DPP10: variants seen among roughly 807,000 people sequenced by gnomAD.
DPP10 encodes the protein dipeptidyl peptidase like 10.
Under a neutral mutation model 120.9 loss-of-function variants are expected in DPP10, and 33 were observed. The observed-to-expected ratio is 0.27, with a 90% CI of 0.21 to 0.37. The LOEUF is 0.37. DPP10 is among the 10% of genes least tolerant of loss of function. The pLI is 1.00. For missense variants in DPP10, 816 were observed against 942.8 expected, an observed-to-expected ratio of 0.87 and a Z score of 1.76; for synonymous variants, 337 against 326.1, an observed-to-expected ratio of 1.03 and a Z score of -0.36.
chr2:114,729,891 A>T (rs1255966977), intron 1 of DPP10, among the ~76,000 whole-genome samples: 1 of 152,250 alleles, frequency 6.6e-6, no homozygotes, highest in African/African-American at 2.4e-5. Context: ...TTCCTTAAAA[A>T]TGGACCAGAA....
intron 2 of DPP10, among the ~76,000 whole-genome samples, chr2:115,322,590 G>T (rs2062116519): frequency 6.6e-6 from 1 of 152,056 alleles, no homozygotes; most frequent in South Asian, 2.1e-4. Flanking sequence ...CCAGCATAAG[G>T]TTTATATCTT....
chr2:114,850,236 A>T (rs1688854123), intron 1 of DPP10, among the ~76,000 whole-genome samples: 1 of 152,000 alleles, frequency 6.6e-6, no homozygotes, highest in African/African-American at 2.4e-5. Flanking sequence ...CATGTTGCCC[A>T]GGCTGGTCTC....
intron 5 of DPP10, among the ~76,000 whole-genome samples, chr2:115,567,295 A>G (rs1248022307): frequency 6.6e-6 from 1 of 152,092 alleles, no homozygotes. Flanking sequence ...TCACCTTTTC[A>G]ATCCATTTTT....
chr2:115,744,601 C>A (rs1046516904), intron 9 of DPP10, among the ~76,000 whole-genome samples: 4 of 150,354 alleles, frequency 2.7e-5, no homozygotes, highest in African/African-American at 9.7e-5. Context: ...ATAGTGGAAA[C>A]CTTTCCTGAC....
At chr2:115,772,780 A>G (rs1681628860) in intron 13 of DPP10, among the ~76,000 whole-genome samples, 1 of 152,266 alleles carries the variant, frequency 6.6e-6, no homozygotes, top group Middle Eastern at 3.4e-3. Flanking sequence ...CAGTGAAGAG[A>G]TAGGTTTTTA....
intron 1 of DPP10, among the ~76,000 whole-genome samples, chr2:114,715,670 A>AT (rs1701300677): frequency 6.6e-6 from 1 of 152,130 alleles, no homozygotes; most frequent in African/African-American, 2.4e-5. Flanking sequence ...GCTAATCAGA[A>AT]TTTTTAGTTA....
chr2:115,672,787 C>A (rs551098173), intron 5 of DPP10, among the ~76,000 whole-genome samples: 8 of 151,210 alleles, frequency 5.3e-5, no homozygotes, highest in Admixed American at 2.0e-4. Flanking sequence ...CACTTTGTCA[C>A]CCAGGCTGGA....
intron 1 of DPP10, among the ~76,000 whole-genome samples, chr2:115,085,642 A>G (rs1439049757): frequency 1.3e-5 from 2 of 152,294 alleles, no homozygotes; most frequent in Admixed American, 1.3e-4. Context: ...AGGAAATCTC[A>G]AAGTTTCCCC....
At chr2:115,780,597 T>G (rs1237806690) in intron 15 of DPP10, among the ~76,000 whole-genome samples, 2 of 151,854 alleles carry the variant, frequency 1.3e-5, no homozygotes, top group African/African-American at 4.8e-5. Context: ...TCCATTGAAA[T>G]CAGTTCTTTG....
chr2:114,969,372 A>G (rs1699245497), intron 1 of DPP10, among the ~76,000 whole-genome samples: 1 of 152,208 alleles, frequency 6.6e-6, no homozygotes, highest in African/African-American at 2.4e-5. Flanking sequence ...TTCCTTTAGT[A>G]TTTTGACAAT....
chr2:114,622,276 T>C (rs531555348), intron 1 of DPP10, among the ~76,000 whole-genome samples: 115 of 152,196 alleles, frequency 7.6e-4, no homozygotes, highest in Non-Finnish European at 1.3e-3. Flanking sequence ...TATTATCTTT[T>C]TATAGTTTAT....
At chr2:114,662,779 CA>C (rs1296365398) in intron 1 of DPP10, among the ~76,000 whole-genome samples, 31 of 151,980 alleles carry the variant, frequency 2.0e-4, no homozygotes, top group East Asian at 1.9e-4. Flanking sequence ...CCTGAAGTGC[CA>C]GGGGGGGACC....
At chr2:115,407,151 C>G (rs755780059) in intron 3 of DPP10, among the ~76,000 whole-genome samples, 39 of 152,308 alleles carry the variant, frequency 2.6e-4, no homozygotes, top group Middle Eastern at 3.4e-3. Context: ...GGGCGAACTT[C>G]CTGAGCCTCT....
Position 115,184,496 on chromosome 2 carries a change from A to AAG in DPP10, c.61-124740_61-124739dup, listed in dbSNP as rs1379503734. 2.6e-5 allele frequency among the ~76,000 whole-genome samples: 4 copies of AAG among 152,350 alleles called. No individual in the cohort carries two copies. The East Asian group carries it at 7.7e-4, about 29-fold the overall frequency. ...TGGCAGCAGCAGCCAGGGATGCAAC[A>AAG]AGAGTCACATTCGCTTTGAAGGCTG... On this transcript the variant is annotated intron_variant, in intron 1 of 25. Coordinates refer to ENST00000410059, the MANE Select transcript of DPP10 (RefSeq NM_020868.6).
intron 1 of DPP10, among the ~76,000 whole-genome samples, chr2:114,752,450 A>C (rs1451953134): frequency 1.3e-5 from 2 of 152,240 alleles, no homozygotes; most frequent in Non-Finnish European, 2.9e-5. Flanking sequence ...CCTCGAATTA[A>C]AAACTGACAG....
intron 3 of DPP10, among the ~76,000 whole-genome samples, chr2:115,386,126 TAGAC>T (rs1290069158): frequency 6.6e-6 from 1 of 152,220 alleles, no homozygotes; most frequent in Non-Finnish European, 1.5e-5. Context: ...TTAATTTTAT[TAGAC>T]AAACTTTATA....
chr2:115,543,601 G>A (rs536097127), intron 5 of DPP10, among the ~76,000 whole-genome samples: 6 of 151,530 alleles, frequency 4.0e-5, no homozygotes, highest in South Asian at 2.1e-4. Flanking sequence ...TTCTAACACC[G>A]CATATAAACT....
At chr2:115,724,291 C>T (rs995561981) in intron 7 of DPP10, among the ~76,000 whole-genome samples, 1 of 152,120 alleles carries the variant, frequency 6.6e-6, no homozygotes, top group African/African-American at 2.4e-5. Context: ...CCCAGAAATC[C>T]AGGCTGCTAG....
chr2:115,214,933 C>T (rs1333236294), intron 1 of DPP10, among the ~76,000 whole-genome samples: 1 of 152,172 alleles, frequency 6.6e-6, no homozygotes, highest in African/African-American at 2.4e-5. Context: ...CTTGCCTTTC[C>T]TGAGCTTGCT....
Sources: allele counts gnomAD v4.1 joint callset (sites outside exome capture counted in the v4.1 genomes callset), GRCh38; gene constraint gnomAD v4.1.1; transcripts MANE v1.5; gene names NCBI Gene and HGNC (gene_info 2026-07-23, HGNC 2026-07-21).